Variants in DPP10 observed in about 807,000 individuals in gnomAD.
The protein encoded by DPP10 is dipeptidyl peptidase like 10.
Under a neutral mutation model 120.9 loss-of-function variants are expected in DPP10, and 33 were observed. That is an observed-to-expected ratio of 0.27 (90% CI 0.21 to 0.37). DPP10 has a LOEUF of 0.37. DPP10 is among the 10% of genes least tolerant of loss of function. The probability of loss-of-function intolerance (pLI) is 1.00; values close to 1 mark genes in which losing one functional copy is unlikely to be tolerated. For synonymous variants in DPP10, 337 were observed against 326.1 expected, an observed-to-expected ratio of 1.03 and a Z score of -0.36; for missense variants, 816 against 942.8, an observed-to-expected ratio of 0.87 and a Z score of 1.76.
At chr2:115,515,708 G>A (rs1282166141) in intron 4 of DPP10, among the ~76,000 whole-genome samples, 1 of 151,988 alleles carries the variant, frequency 6.6e-6, no homozygotes, top group African/African-American at 2.4e-5. Context: ...CCTGAAAGAA[G>A]AAATGAATGA....
chr2:114,914,996 T>C (rs924465744), intron 1 of DPP10, among the ~76,000 whole-genome samples: 1 of 151,946 alleles, frequency 6.6e-6, no homozygotes, highest in East Asian at 1.9e-4. Flanking sequence ...CCGGGCGTAG[T>C]GGTGGGCGCC....
Position 115,410,595 on chromosome 2 carries a change from C to G in DPP10, c.271+66683C>G, listed in dbSNP as rs1227782431. ...GCACACGTTAACCTGTGTAACAAAC[C>G]TGCACATGCACCTGGCACTTAAAAG... is the stretch of plus-strand genomic sequence containing the variant. On this transcript the variant is annotated intron_variant, in intron 3 of 25. Transcript: ENST00000410059. Among the ~76,000 whole-genome samples the G allele has an allele frequency of 2.6e-5, 4 of 152,164 alleles. No individual in the cohort carries two copies. The East Asian group carries it at 7.7e-4, about 29-fold the overall frequency.
intron 5 of DPP10, among the ~76,000 whole-genome samples, chr2:115,564,942 A>T (rs1335161608): frequency 6.6e-6 from 1 of 152,104 alleles, no homozygotes; most frequent in South Asian, 2.1e-4. Context: ...TTGATGTTCA[A>T]ATGCTAAAGG....
Position 115,791,178 on chromosome 2 carries a change from T to C in DPP10, c.1629T>C (p.Tyr543=), listed in dbSNP as rs771953746. The C allele has an allele frequency of 6.2e-7, 1 of 1,613,078 alleles. No homozygotes were observed. Among genetic ancestry groups the C allele is most frequent in the South Asian group, 1.1e-5 (1 of 90,950 alleles). Residue 543 remains tyrosine (Y), a splice_region_variant and synonymous_variant, in exon 18 of 26, where the codon TAT becomes TAC. Transcript: ENST00000410059. ...PEIKILHIDD[Y]ELPLQLSLPK... is the part of the protein sequence containing the mutation. ...TTAAAATCCTTCATATTGACGACTA[T>C]GGTAAAATTTTGTGCATGCTATGTT...
intron 1 of DPP10, among the ~76,000 whole-genome samples, chr2:114,551,914 A>G (rs1265355308): frequency 6.6e-6 from 1 of 152,218 alleles, no homozygotes; most frequent in Non-Finnish European, 1.5e-5. Flanking sequence ...CCAGTTATCT[A>G]GATTGTAAAT....
chr2:115,031,134 A>G (rs1195812143), intron 1 of DPP10, among the ~76,000 whole-genome samples: 4 of 149,530 alleles, frequency 2.7e-5, no homozygotes, highest in African/African-American at 9.9e-5. Flanking sequence ...TATACTCAAA[A>G]GTCACAATAT....
At chr2:115,521,791 T>C (rs1453223365) in intron 4 of DPP10, among the ~76,000 whole-genome samples, 3 of 152,148 alleles carry the variant, frequency 2.0e-5, no homozygotes, top group Non-Finnish European at 4.4e-5. Flanking sequence ...AGGTAATAGT[T>C]CTAAATTCAA....
At chr2:114,802,703 T>C (rs1684363451) in intron 1 of DPP10, among the ~76,000 whole-genome samples, 1 of 152,172 alleles carries the variant, frequency 6.6e-6, no homozygotes, top group African/African-American at 2.4e-5. Flanking sequence ...TCATTTCCAC[T>C]TTTTGTATAT....
At chr2:115,411,693 G>A (rs2068969383) in intron 3 of DPP10, among the ~76,000 whole-genome samples, 1 of 152,190 alleles carries the variant, frequency 6.6e-6, no homozygotes, top group South Asian at 2.1e-4. Flanking sequence ...TTCTATTGAA[G>A]AGCTGAACAA....
intron 1 of DPP10, among the ~76,000 whole-genome samples, chr2:115,307,810 T>A (rs1230554488): frequency 6.6e-6 from 1 of 152,138 alleles, no homozygotes; most frequent in East Asian, 1.9e-4. Flanking sequence ...TGTCTTTATA[T>A]CACTTCTCTA....
chr2:115,609,737 T>C (rs1384225343), intron 5 of DPP10, among the ~76,000 whole-genome samples: 1 of 152,152 alleles, frequency 6.6e-6, no homozygotes, highest in African/African-American at 2.4e-5. Flanking sequence ...GTCATTAACC[T>C]TAGTGAAACC....
intron 1 of DPP10, among the ~76,000 whole-genome samples, chr2:114,866,043 C>T (rs142524566): frequency 0.048 from 7,274 of 151,736 alleles, 252 homozygotes; most frequent in Admixed American, 0.064. Context: ...ACCTGGGGGG[C>T]GGAGGTTGCA....
intron 1 of DPP10, among the ~76,000 whole-genome samples, chr2:114,497,321 ATACGTGTATACATG>A (rs1453310501): frequency 0.046 from 1,665 of 36,356 alleles, 79 homozygotes; most frequent in African/African-American, 0.11. Flanking sequence ...ATGTACATGT[ATACGTGTATACATG>A]TACATATACA....
In DPP10 at chr2:115,123,563, G is replaced by T. The variant is rs576565929; in HGVS notation, c.61-185676G>T. ...GTTTTTCCTCTTGGTGCACATATTT[G>T]AGCCCGGTCATCCAAATCCTGAGAG... On this transcript the variant is annotated intron_variant, in intron 1 of 25. Transcript: ENST00000410059. 5.3e-5 allele frequency among the ~76,000 whole-genome samples: 8 copies of T among 152,244 alleles called. No individual in the cohort carries two copies. The East Asian group carries it at 9.7e-4, about 18-fold the overall frequency.
chr2:115,161,325 CGCGCGCA>C (rs2052317772), intron 1 of DPP10: 1 of 152,268 alleles, frequency 6.6e-6, no homozygotes, highest in African/African-American at 2.4e-5. Context: ...GGCGCTGGAG[CGCGCGCA>C]GTGGCGGAGC....
At chr2:115,135,197 T>C (rs2050589916) in intron 1 of DPP10, among the ~76,000 whole-genome samples, 1 of 151,364 alleles carries the variant, frequency 6.6e-6, no homozygotes, top group Non-Finnish European at 1.5e-5. Flanking sequence ...GAGCATACTT[T>C]AGGGTTGTAC....
At chr2:115,409,847 A>G (rs2068807940) in intron 3 of DPP10, among the ~76,000 whole-genome samples, 1 of 152,260 alleles carries the variant, frequency 6.6e-6, no homozygotes, top group Non-Finnish European at 1.5e-5. Flanking sequence ...AAGAAACAAA[A>G]TAATAACATT....
At chr2:115,433,609 T>G (rs1175604475) in intron 3 of DPP10, among the ~76,000 whole-genome samples, 1 of 152,052 alleles carries the variant, frequency 6.6e-6, no homozygotes, top group African/African-American at 2.4e-5. Flanking sequence ...CACTAAATGT[T>G]TAACACTCTC....
At chr2:114,985,659 T>A (rs1163480209) in intron 1 of DPP10, among the ~76,000 whole-genome samples, 1 of 152,220 alleles carries the variant, frequency 6.6e-6, no homozygotes, top group Non-Finnish European at 1.5e-5. Context: ...TTCTTTGCAC[T>A]GTTTGTGAGA....
Sources: gnomAD v4.1 joint callset for allele counts (sites outside exome capture counted in the v4.1 genomes callset) on GRCh38, gnomAD v4.1.1 for gene constraint, MANE v1.5 for transcripts, NCBI Gene and HGNC (gene_info 2026-07-23, HGNC 2026-07-21) for gene names.